Variants in DYNC1I1 observed in about 807,000 individuals in gnomAD.
The protein encoded by DYNC1I1 is cytoplasmic dynein 1 intermediate chain 1.
Under a neutral mutation model 86.6 loss-of-function variants are expected in DYNC1I1, and 43 were observed. The ratio of observed to expected loss-of-function variants is 0.50; its 90% CI spans 0.39 to 0.64. The LOEUF is 0.64. Among genes scored for constraint, DYNC1I1 ranks in the 30% least tolerant of loss-of-function variants. The pLI is 0.00. For synonymous variants in DYNC1I1, 262 were observed against 283.7 expected (o/e 0.92, Z 0.77); for missense variants, 604 against 788.8 (o/e 0.77, Z 2.81).
intron 6 of DYNC1I1, among the ~76,000 whole-genome samples, chr7:95,892,403 C>T (rs963494716): frequency 2.6e-5 from 4 of 152,000 alleles, no homozygotes; most frequent in Admixed American, 6.5e-5. Flanking sequence ...CTCCACCTCC[C>T]GGGTTCACGC....
At chr7:96,069,703 A>G (rs1213194087) in intron 14 of DYNC1I1, among the ~76,000 whole-genome samples, 1 of 152,078 alleles carries the variant, frequency 6.6e-6, no homozygotes, top group Non-Finnish European at 1.5e-5. Flanking sequence ...ACTAGTCAAA[A>G]CCTGTGAATA....
At chr7:95,966,640 T>C (rs1423728909) in intron 6 of DYNC1I1, among the ~76,000 whole-genome samples, 1 of 152,214 alleles carries the variant, frequency 6.6e-6, no homozygotes, top group Non-Finnish European at 1.5e-5. Flanking sequence ...CATCTTCCCT[T>C]TCTAAAGCCT....
At chr7:96,009,525 C>G (rs78550684) in intron 10 of DYNC1I1, among the ~76,000 whole-genome samples, 8 of 152,268 alleles carry the variant, frequency 5.3e-5, no homozygotes, top group East Asian at 1.9e-4. Context: ...ATTCTCTCCC[C>G]CAAAGTGTGT....
intron 9 of DYNC1I1, among the ~76,000 whole-genome samples, chr7:95,988,612 C>T (rs535115350): frequency 3.2e-4 from 49 of 152,272 alleles, no homozygotes; most frequent in African/African-American, 1.1e-3. Flanking sequence ...GATGCCTGAG[C>T]CCACATTCTT....
intron 1 of DYNC1I1, among the ~76,000 whole-genome samples, chr7:95,797,725 A>G (rs1240369008): frequency 2.0e-5 from 3 of 152,336 alleles, no homozygotes; most frequent in Non-Finnish European, 4.4e-5. Context: ...TTTTGGTATA[A>G]TAGTGAAGAA....
intron 1 of DYNC1I1, among the ~76,000 whole-genome samples, chr7:95,775,106 G>A (rs1477066730): frequency 6.6e-6 from 1 of 152,142 alleles, no homozygotes; most frequent in East Asian, 1.9e-4. Flanking sequence ...AATCTTATGA[G>A]GCAGATATTG....
chr7:95,857,506 T>C (rs1279801667), intron 5 of DYNC1I1, among the ~76,000 whole-genome samples: 1 of 152,194 alleles, frequency 6.6e-6, no homozygotes, highest in East Asian at 1.9e-4. Flanking sequence ...TGACTTCTTA[T>C]TGTTCCTGTA....
At chr7:96,027,497 G>A (rs892092636) in intron 10 of DYNC1I1, among the ~76,000 whole-genome samples, 2 of 152,140 alleles carry the variant, frequency 1.3e-5, no homozygotes, top group African/African-American at 4.8e-5. Context: ...ACAGACCATG[G>A]CAGAGCTGGA....
chr7:95,937,505 CAA>C (rs147821735), intron 6 of DYNC1I1, among the ~76,000 whole-genome samples: 25 of 136,242 alleles, frequency 1.8e-4, no homozygotes, highest in East Asian at 4.1e-4. Flanking sequence ...AATCTTCGTT[CAA>C]AAAAAAAAAA....
intron 1 of DYNC1I1, among the ~76,000 whole-genome samples, chr7:95,800,290 G>A (rs1357078257): frequency 1.3e-5 from 2 of 152,008 alleles, no homozygotes; most frequent in Non-Finnish European, 2.9e-5. Flanking sequence ...TTTGAACTTT[G>A]AGACATCTGT....
chr7:96,066,807 A>C lies in DYNC1I1; in HGVS notation c.1510-9250A>C, dbSNP rs1359223531. 2.6e-5 allele frequency among the ~76,000 whole-genome samples: 4 copies of C among 152,198 alleles called. No individual in the cohort carries two copies. The East Asian group carries it at 7.7e-4, about 29-fold the overall frequency. The stretch of plus-strand genomic sequence containing the variant: ...TGAGAAAACAGATCCCCAAATAAGC[A>C]ATATTCTTCTCTTATTATATCATAA... On this transcript the variant is annotated intron_variant, in intron 14 of 16. Transcript: ENST00000447467.
chr7:95,954,688 C>T (rs1039365387), intron 6 of DYNC1I1, among the ~76,000 whole-genome samples: 13 of 152,022 alleles, frequency 8.6e-5, no homozygotes, highest in African/African-American at 1.9e-4. Flanking sequence ...CTGAGGCAGG[C>T]GGATCACGAG....
intron 10 of DYNC1I1, among the ~76,000 whole-genome samples, chr7:96,025,457 T>A (rs1303949293): frequency 1.3e-5 from 2 of 152,140 alleles, no homozygotes; most frequent in African/African-American, 4.8e-5. Flanking sequence ...ATCTTATTTA[T>A]CATGGTTATA....
intron 6 of DYNC1I1, among the ~76,000 whole-genome samples, chr7:95,933,776 G>A (rs980290484): frequency 6.6e-6 from 1 of 152,026 alleles, no homozygotes; most frequent in African/African-American, 2.4e-5. Context: ...CTGCCTTTGA[G>A]ACACCCGCCT....
In DYNC1I1 at chr7:95,865,692, T is replaced by C. The variant is rs562929703; in HGVS notation, c.375-4191T>C. On this transcript the variant is annotated intron_variant, in intron 5 of 16. Coordinates refer to ENST00000447467, the MANE Select transcript of DYNC1I1 (RefSeq NM_001135556.2). ...CCTTTTCTATTTTTAGATACACAAATACTCAACCATTGTGCTACAACTGCC... is the reference window on the plus strand; with the variant it reads ...CCTTTTCTATTTTTAGATACACAAACACTCAACCATTGTGCTACAACTGCC... 1.4e-4 allele frequency among the ~76,000 whole-genome samples: 21 copies of C among 152,286 alleles called. No individual in the cohort carries two copies. The South Asian group carries it at 4.1e-3, about 30-fold the overall frequency.
At chr7:95,852,722 T>C (rs1205334960) in intron 5 of DYNC1I1, among the ~76,000 whole-genome samples, 1 of 152,128 alleles carries the variant, frequency 6.6e-6, no homozygotes, top group Non-Finnish European at 1.5e-5. Context: ...GGCCAGGTGG[T>C]CTTGAACTCC....
At chr7:96,058,496 A>G (rs1789653042) in intron 14 of DYNC1I1, among the ~76,000 whole-genome samples, 1 of 152,244 alleles carries the variant, frequency 6.6e-6, no homozygotes, top group Non-Finnish European at 1.5e-5. Context: ...TTCATTCAAT[A>G]CATGACCATT....
chr7:95,858,944 A>C (rs1459122676), intron 5 of DYNC1I1, among the ~76,000 whole-genome samples: 3 of 145,904 alleles, frequency 2.1e-5, no homozygotes, highest in Non-Finnish European at 4.5e-5. Flanking sequence ...TATTATATTA[A>C]TATATAATAT....
chr7:95,899,015 CAAGTA>C (rs1274864920), intron 6 of DYNC1I1, among the ~76,000 whole-genome samples: 1 of 152,020 alleles, frequency 6.6e-6, no homozygotes, highest in Non-Finnish European at 1.5e-5. Flanking sequence ...GTTTTGTCAC[CAAGTA>C]AAGGTAGGCT....
Sources: allele counts gnomAD v4.1 joint callset (sites outside exome capture counted in the v4.1 genomes callset), GRCh38; gene constraint gnomAD v4.1.1; transcripts MANE v1.5; gene names NCBI Gene and HGNC (gene_info 2026-07-23, HGNC 2026-07-21).